Variants in CBLL1 observed in about 807,000 individuals in gnomAD.
CBLL1 encodes the protein E3 ubiquitin-protein ligase Hakai.
Under a neutral mutation model 44.9 loss-of-function variants are expected in CBLL1, and 4 were observed. The ratio of observed to expected loss-of-function variants is 0.09; its 90% CI spans 0.04 to 0.20. The LOEUF is 0.20. Ranked by LOEUF, CBLL1 falls within the 10% of genes least tolerant of loss-of-function variation. The probability of loss-of-function intolerance (pLI) is 1.00; values close to 1 mark genes in which losing one functional copy is unlikely to be tolerated. For synonymous variants in CBLL1, 235 were observed against 202.2 expected (o/e 1.16, Z -1.38); for missense variants, 569 against 636.7 (o/e 0.89, Z 1.14).
rs765848109 is a variant in CBLL1, at chr7:107,760,901, CTTTT to C, written c.*1726_*1729del. ...TGACTGGCCAAAAATAACTAATAAA[CTTTT>C]TTGTTTTAAGTCAGGCAAGTGATTT... On this transcript the variant is annotated 3_prime_UTR_variant, in exon 6 of 6. Coordinates refer to ENST00000440859, the MANE Select transcript of CBLL1 (RefSeq NM_024814.4). 1 of 141,732 alleles carries C rather than the reference CTTTT, an allele frequency of 7.1e-6. No homozygotes were observed. The highest frequency in any genetic ancestry group is 1.6e-5 in the Non-Finnish European group (1 of 63,200). 8.8% of individuals were successfully genotyped at this position (141,732 alleles called of 1,614,324 possible).
chr7:107,758,184 G>C lies in CBLL1; in HGVS notation c.482G>C (p.Gly161Ala). ...PVQRIEQCTR[G>A]SLFMCSIVQG... ...CAGCGAATTGAGCAGTGTACACGAG[G>C]TTCTCTCTTCATGTGTAGCATTGTT... The change falls in exon 6 of 6, where the codon GGT becomes GCT. Residue 161 changes from glycine (G) to alanine (A), a missense_variant. Transcript: ENST00000440859. This position sits in a 1 kb window ranked among gnomAD's most constrained non-coding sequence, Gnocchi z 4.2. 1 of 1,613,946 alleles carries C rather than the reference G, an allele frequency of 6.2e-7. No homozygotes were observed. Among genetic ancestry groups the C allele is most frequent in the Non-Finnish European group, 8.5e-7 (1 of 1,179,880 alleles).
chr7:107,754,026 G>A (rs1371765272), intron 4 of CBLL1, 48 bp downstream of exon 4: 10 of 1,212,732 alleles, frequency 8.2e-6, no homozygotes, highest in Non-Finnish European at 9.3e-6. Context: ...TTGCATAGAG[G>A]TGGGGTTCTG....
chr7:107,751,809 A>G (rs1403628506), intron 2 of CBLL1, among the ~76,000 whole-genome samples: 1 of 152,172 alleles, frequency 6.6e-6, no homozygotes, highest in Non-Finnish European at 1.5e-5. Context: ...CAAAATATAT[A>G]TAGTTTAATG....
intron 2 of CBLL1, among the ~76,000 whole-genome samples, chr7:107,749,730 G>T (rs1265000760): frequency 1.3e-5 from 2 of 150,568 alleles, no homozygotes; most frequent in East Asian, 3.9e-4. Context: ...ATAATAAAAA[G>T]GTATGTTAGT....
In CBLL1 at chr7:107,759,023, C is replaced by T; in HGVS notation, c.1321C>T (p.Pro441Ser). 6.2e-7 allele frequency: 1 copy of T among 1,613,968 alleles called. No individual in the cohort carries two copies. Among genetic ancestry groups the T allele is most frequent in the Non-Finnish European group, 8.5e-7 (1 of 1,179,988 alleles). The change falls in exon 6 of 6, where the codon CCT (proline) becomes TCT (serine). Residue 441 changes from proline to serine, a missense_variant. This residue lies in a region of CBLL1 where 228 missense variants were observed against 253.2 expected (regional missense o/e 0.90). Coordinates refer to ENST00000440859, the MANE Select transcript of CBLL1 (RefSeq NM_024814.4). ...CACTGAAGATCAAGGAACTCTGAGC[C>T]CTCCATTTACACAACCAGGGGGAAT... ...QFTEDQGTLS[P>S]PFTQPGGMSP...
intron 2 of CBLL1, among the ~76,000 whole-genome samples, chr7:107,752,263 C>G (rs1266646838): frequency 6.6e-6 from 1 of 151,584 alleles, no homozygotes; most frequent in Non-Finnish European, 1.5e-5. Context: ...ATCACACCAG[C>G]TTTTCTAAGG....
chr7:107,757,182 C>T (rs1793565454), intron 5 of CBLL1, among the ~76,000 whole-genome samples: 1 of 152,114 alleles, frequency 6.6e-6, no homozygotes, highest in Non-Finnish European at 1.5e-5. Context: ...TATATGTACA[C>T]ACACATATAT....
intron 5 of CBLL1, 149 bp from the exon 6 acceptor site, chr7:107,757,994 G>A (rs1268328935): frequency 1.4e-6 from 1 of 732,038 alleles, no homozygotes; most frequent in East Asian, 2.7e-5. Flanking sequence ...AAGATTAAAG[G>A]TTTGCGTAGA....
At position 107,759,975 on chromosome 7, in the gene CBLL1, GC is replaced by G. The variant is rs1428734659; in HGVS notation, c.*798del. The G allele has an allele frequency of 1.3e-5, 2 of 152,276 alleles. No individual in the cohort carries two copies. Among genetic ancestry groups the G allele is most frequent in the African/African-American group, 4.8e-5 (2 of 41,432 alleles). The allele number at this position is 152,276 out of a possible 1,614,324, so 9.4% of individuals were successfully genotyped here. ...TGGGGGAATGCTGTTACTCATTAAT[GC>G]TTTTTTACTGAATGGTCGGAATCAC... On this transcript the variant is annotated 3_prime_UTR_variant, in exon 6 of 6. Transcript: ENST00000440859.
intron 2 of CBLL1, among the ~76,000 whole-genome samples, chr7:107,752,864 T>C (rs933983114): frequency 1.3e-5 from 2 of 152,202 alleles, no homozygotes; most frequent in African/African-American, 4.8e-5. Flanking sequence ...GGATGAAATA[T>C]GAATATGTTA....
chr7:107,753,825 C>A, intron 3 of CBLL1, 70 bp from the exon 4 acceptor site: 1 of 941,562 alleles, frequency 1.1e-6, no homozygotes, highest in Non-Finnish European at 1.6e-6. Context: ...AAAATATTGA[C>A]CAATTCATTG....
At chr7:107,754,821 C>T (rs1013808474) in intron 4 of CBLL1, among the ~76,000 whole-genome samples, 2 of 151,990 alleles carry the variant, frequency 1.3e-5, no homozygotes, top group Non-Finnish European at 2.9e-5. Flanking sequence ...AAGTATTCTT[C>T]AGGAGTTTTT....
At position 107,759,905 on chromosome 7, in the gene CBLL1, G is replaced by A. The variant is rs539643554; in HGVS notation, c.*727G>A. 3.1e-4 allele frequency: 47 copies of A among 152,354 alleles called. No homozygotes were observed. Among genetic ancestry groups the A allele is most frequent in the African/African-American group, 1.1e-3 (46 of 41,546 alleles). The allele number at this position is 152,354 out of a possible 1,614,324, so 9.4% of individuals were successfully genotyped here. A position where few individuals can be genotyped will look rare whatever the true frequency, so the allele number is the denominator to read the frequency against. On this transcript the variant is annotated 3_prime_UTR_variant, in exon 6 of 6. Transcript: ENST00000440859. Reference sequence around the variant, plus strand: ...TGTTAAAAGACATTACTAATTATTTGGAAAGAGATGGCCAAAATAATCAAC... The same window carrying A: ...TGTTAAAAGACATTACTAATTATTTAGAAAGAGATGGCCAAAATAATCAAC...
At chr7:107,748,550 G>A (rs1793117878) in intron 1 of CBLL1, among the ~76,000 whole-genome samples, 1 of 152,070 alleles carries the variant, frequency 6.6e-6, no homozygotes, top group Admixed American at 6.5e-5. Flanking sequence ...TGTAGTTCAA[G>A]ACAATGGTTC....
Position 107,753,309 on chromosome 7 carries a change from G to C in CBLL1, c.182-102G>C. 4 of 682,920 alleles carry C rather than the reference G, an allele frequency of 5.9e-6. No homozygotes were observed. The South Asian group carries it at 7.4e-5, about 13-fold the overall frequency. The allele number at this position is 682,920 out of a possible 1,614,324, so 42.3% of individuals were successfully genotyped here. ...CTTAGAAAAGCTTTGAAAGGCATCA[G>C]ATGAGCTTTTTAGTGAAAAGGTCTA... On this transcript the variant is annotated intron_variant, in intron 2 of 5. Transcript: ENST00000440859.
chr7:107,758,383 C>T lies in CBLL1; in HGVS notation c.681C>T (p.His227=), dbSNP rs761938273. 5 of 1,614,116 alleles carry T rather than the reference C, an allele frequency of 3.1e-6. No homozygotes were observed. Among genetic ancestry groups the T allele is most frequent in the Non-Finnish European group, 4.2e-6 (5 of 1,180,014 alleles). ...GTTTTATAATGCCACCAGACAAGCA[C>T]CATATGAGCCATATTCCGCCAAAGC... ...PERFIMPPDK[H]HMSHIPPKQH... is the part of the protein sequence containing the mutation. The change falls in exon 6 of 6, where the codon CAC becomes CAT. Residue 227 remains histidine, a synonymous_variant. Transcript: ENST00000440859. The surrounding 1 kb of genome is among the most constrained non-coding windows in gnomAD (Gnocchi z 4.2).
intron 1 of CBLL1, among the ~76,000 whole-genome samples, chr7:107,746,033 G>A (rs1360175726): frequency 2.6e-5 from 4 of 152,296 alleles, no homozygotes; most frequent in African/African-American, 9.6e-5. Flanking sequence ...GACCACTTAA[G>A]AAGGGTGTGT....
intron 1 of CBLL1, 125 bp downstream of exon 1, chr7:107,744,301 A>G: frequency 8.5e-7 from 1 of 1,170,692 alleles, no homozygotes; most frequent in Non-Finnish European, 1.2e-6. Context: ...GTGAGAAGAA[A>G]TCTCACAGAT....
At chr7:107,749,428 T>C (rs1368090581) in intron 2 of CBLL1, 2 of 153,942 alleles carry the variant, frequency 1.3e-5, no homozygotes, top group Non-Finnish European at 2.9e-5. Context: ...TTCTTATCAG[T>C]ACTTACAGAT....
Sources: allele counts gnomAD v4.1 joint callset (sites outside exome capture counted in the v4.1 genomes callset), GRCh38; gene constraint gnomAD v4.1.1; regional missense constraint gnomAD v4.1.1; non-coding constraint Gnocchi (gnomAD v3.1); transcripts MANE v1.5; gene names NCBI Gene and HGNC (gene_info 2026-07-23, HGNC 2026-07-21).